The following STRIP1 variants were observed in gnomAD, a reference collection of about 807,000 sequenced individuals.
STRIP1 encodes striatin interacting protein 1.
A neutral mutation model predicts 106.2 loss-of-function variants in STRIP1; 63 were observed. The ratio of observed to expected loss-of-function variants is 0.59; its 90% CI spans 0.48 to 0.73. The LOEUF (loss-of-function observed/expected upper bound fraction) is 0.73, where lower values mean the gene tolerates loss of function less well. Among genes scored for constraint, STRIP1 ranks in the 30% least tolerant of loss-of-function variants. The pLI, the probability that STRIP1 is intolerant of heterozygous loss-of-function variation, is 0.00. For synonymous variants in STRIP1, 390 were observed against 413.0 expected (o/e 0.94, Z 0.67); for missense variants, 857 against 1,074.8 (o/e 0.80, Z 2.83).
chr1:110,053,613 G>T (rs1653399237), intron 20 of STRIP1, 52 bp from the exon 21 acceptor site: 11 of 1,598,844 alleles, frequency 6.9e-6, no homozygotes, highest in Non-Finnish European at 9.4e-6. Flanking sequence ...AATCCATGGG[G>T]AGCTGCTACA....
At chr1:110,051,158 C>A in intron 19 of STRIP1, 98 bp downstream of exon 19, 1 of 802,620 alleles carries the variant, frequency 1.2e-6, no homozygotes. Flanking sequence ...TGTGCCTTCT[C>A]ACTTAACTTT....
intron 9 of STRIP1, 121 bp downstream of exon 9, chr1:110,043,391 G>A: frequency 1.8e-6 from 2 of 1,086,970 alleles, no homozygotes; most frequent in Non-Finnish European, 2.7e-6. Context: ...TCAGAATCAT[G>A]CCTCCACAGC....
In STRIP1 at chr1:110,039,426, G is replaced by T; in HGVS notation, c.492G>T (p.Glu164Asp). ...GTFGECSSEA[E>D]VQSWMRYNIF... The stretch of plus-strand genomic sequence containing the variant: ...TTGGGGAGTGCAGCTCGGAGGCAGA[G>T]GTGCAGTCCTGGATGCGCTACAACA... The change falls in exon 5 of 21, where the codon GAG becomes GAT. Residue 164 changes from glutamate to aspartate, a missense_variant. Around this residue, in one of 2 missense-constraint regions of STRIP1, gnomAD observed 750 missense variants for 989.8 expected, o/e 0.76. Coordinates refer to ENST00000369795, the MANE Select transcript of STRIP1 (RefSeq NM_033088.4). 6.2e-7 allele frequency: 1 copy of T among 1,614,060 alleles called. No homozygotes were observed. The highest frequency in any genetic ancestry group is 1.1e-5 in the South Asian group (1 of 91,034).
chr1:110,050,279 G>C, intron 17 of STRIP1, 64 bp from the exon 18 acceptor site: 1 of 1,544,174 alleles, frequency 6.5e-7, no homozygotes, highest in Middle Eastern at 1.7e-4. Flanking sequence ...GCTCAGGCAC[G>C]GCTGCTCCAC....
chr1:110,049,627 C>G (rs1023677295), intron 17 of STRIP1, 67 bp downstream of exon 17: 1 of 1,140,178 alleles, frequency 8.8e-7, no homozygotes, highest in Non-Finnish European at 1.3e-6. Flanking sequence ...GCTGGTATTT[C>G]CCACTGTGTC....
chr1:110,045,329 C>T lies in STRIP1; in HGVS notation c.1416+251C>T, dbSNP rs1652970601. 3 of 467,644 alleles carry T rather than the reference C, an allele frequency of 6.4e-6. No individual in the cohort carries two copies. In the South Asian group the frequency reaches 6.6e-5, roughly 10 times the overall value. 29.0% of individuals were successfully genotyped at this position (467,644 alleles called of 1,614,324 possible). ...AGTCTTTAAAGATTATATTACCTGA[C>T]CACCGGGCACCAAGGCATGCACCTG... On this transcript the variant is annotated intron_variant, in intron 12 of 20. Transcript: ENST00000369795.
At chr1:110,045,136 C>A in intron 12 of STRIP1, 58 bp downstream of exon 12, 1 of 1,513,146 alleles carries the variant, frequency 6.6e-7, no homozygotes, top group South Asian at 1.1e-5. Flanking sequence ...AGAGTGAAAC[C>A]AGCCTGTAGG....
chr1:110,043,921 C>A, intron 10 of STRIP1, 65 bp downstream of exon 10: 1 of 1,432,764 alleles, frequency 7.0e-7, no homozygotes, highest in Non-Finnish European at 9.8e-7. Flanking sequence ...CTCAGGCCTG[C>A]CACCTGGCCT....
intron 12 of STRIP1, 164 bp downstream of exon 12, chr1:110,045,242 T>G: frequency 3.2e-6 from 2 of 620,940 alleles, no homozygotes; most frequent in South Asian, 4.0e-5. Flanking sequence ...TTCGTAAGTT[T>G]TGCTTGTTTT....
In STRIP1 at chr1:110,049,281, C is replaced by T. The variant is rs546370530; in HGVS notation, c.1788+43C>T. 17 of 1,613,046 alleles carry T rather than the reference C, an allele frequency of 1.1e-5. No individual in the cohort carries two copies. In the East Asian group the frequency reaches 2.0e-4, roughly 19 times the overall value. On this transcript the variant is annotated intron_variant, in intron 16 of 20. Coordinates refer to ENST00000369795, the MANE Select transcript of STRIP1 (RefSeq NM_033088.4). Reference sequence around the variant, plus strand: ...CCTCCTGTCCTGTGGGCTGGGGCCTCGGGCACTGCTGCTCCTCCAGCCCAC... The same window carrying T: ...CCTCCTGTCCTGTGGGCTGGGGCCTTGGGCACTGCTGCTCCTCCAGCCCAC...
chr1:110,043,882 C>CA, intron 10 of STRIP1, 26 bp downstream of exon 10: 1 of 1,602,440 alleles, frequency 6.2e-7, no homozygotes, highest in Non-Finnish European at 8.5e-7. Flanking sequence ...CCAGAGCACT[C>CA]ATAGTTCCTG....
chr1:110,040,658 C>T lies in STRIP1; in HGVS notation c.605C>T (p.Ala202Val). ...AGCAACAGTGCCGCCTGCAGCAGTG[C>T]TGTGAGGAAGCCTGCCATCTCCCTG... Reference protein sequence around the residue: ...EIDNSAACSSAVRKPAISLAD... With the variant: ...EIDNSAACSSVVRKPAISLAD... Residue 202 changes from alanine (A) to valine (V), a missense_variant, in exon 6 of 21, where the codon GCT (alanine) becomes GTT (valine). This residue lies in a region of STRIP1 where 750 missense variants were observed against 989.8 expected (regional missense o/e 0.76). Coordinates refer to ENST00000369795, the MANE Select transcript of STRIP1 (RefSeq NM_033088.4). The T allele has an allele frequency of 6.2e-7, 1 of 1,612,420 alleles. No individual in the cohort carries two copies. The highest frequency in any genetic ancestry group is 8.5e-7 in the Non-Finnish European group (1 of 1,179,238).
rs867307815 is a variant in STRIP1 at position 110,049,197 on chromosome 1, C to T, written c.1747C>T (p.Leu583=). The T allele has an allele frequency of 6.2e-7, 1 of 1,614,214 alleles. No homozygotes were observed. The highest frequency in any genetic ancestry group is 1.7e-5 in the Admixed American group (1 of 60,028). The change falls in exon 16 of 21, where the codon CTG becomes TTG. Residue 583 remains leucine (L), a synonymous_variant. Transcript: ENST00000369795. ...TGTTAAGGCCATTTCTGCTGTCCTG[C>T]TGCTGCTGCTCAAGCACTTTAAGTT... ...VIVKAISAVL[L]LLLKHFKLNH...
chr1:110,051,998 A>T, intron 20 of STRIP1, 111 bp downstream of exon 20: 1 of 1,120,978 alleles, frequency 8.9e-7, no homozygotes. Context: ...CTTCCCCCCA[A>T]GGAACAGGAA....
Position 110,048,013 on chromosome 1 carries a change from G to A in STRIP1, c.1661+144G>A, listed in dbSNP as rs977723893. ...TTTTGACCCAAAAAAAGGAAACTAC[G>A]AGATTAAAGAGTTTCACTGGTTGGG... On this transcript the variant is annotated intron_variant, in intron 15 of 20. Coordinates refer to ENST00000369795, the MANE Select transcript of STRIP1 (RefSeq NM_033088.4). The A allele has an allele frequency of 2.8e-5, 19 of 679,216 alleles. 1 individual carries two copies. Among genetic ancestry groups the A allele is most frequent in the Middle Eastern group, 7.8e-4 (2 of 2,560 alleles). 42.1% of individuals were successfully genotyped at this position (679,216 alleles called of 1,614,324 possible). A position where few individuals can be genotyped will look rare whatever the true frequency, so the allele number is the denominator to read the frequency against.
Position 110,043,660 on chromosome 1 carries a change from C to T in STRIP1, c.1090C>T (p.Leu364=). 1 of 1,613,988 alleles carries T rather than the reference C, an allele frequency of 6.2e-7. No homozygotes were observed. The highest frequency in any genetic ancestry group is 8.5e-7 in the Non-Finnish European group (1 of 1,179,958). ...TCAGGCTCTGATAAAGCAGGACAAC[C>T]TAGATGCCTTCAACGAGCGGGATCC... ...EHKALIKQDN[L]DAFNERDPYK... Residue 364 remains leucine (L), a synonymous_variant, in exon 10 of 21, where the codon CTA becomes TTA. Coordinates refer to ENST00000369795, the MANE Select transcript of STRIP1 (RefSeq NM_033088.4).
chr1:110,046,733 C>T lies in STRIP1; in HGVS notation c.1470C>T (p.Leu490=). Residue 490 remains leucine, a synonymous_variant, in exon 13 of 21, where the codon CTC becomes CTT. Transcript: ENST00000369795. ...AGGCACAGATGGAGGAGGAATACCT[C>T]CGCTCCCCTCTCTCAGGGGTAAGTT... ...EVQAQMEEEY[L]RSPLSGGEEE... is the part of the protein sequence containing the mutation. 6.2e-7 allele frequency: 1 copy of T among 1,613,112 alleles called. No homozygotes were observed. The highest frequency in any genetic ancestry group is 2.2e-5 in the East Asian group (1 of 44,788).
chr1:110,042,225 T>G (rs1652799100), intron 8 of STRIP1, among the ~76,000 whole-genome samples: 1 of 152,176 alleles, frequency 6.6e-6, no homozygotes, highest in African/African-American at 2.4e-5. Context: ...TGGTTGGATA[T>G]CACTTAAAGG....
chr1:110,046,226 A>G (rs1333256275), intron 12 of STRIP1, among the ~76,000 whole-genome samples: 1 of 152,176 alleles, frequency 6.6e-6, no homozygotes, highest in African/African-American at 2.4e-5. Flanking sequence ...GGGGCCAGGC[A>G]TGGTGGCTCA....
Sources: allele counts gnomAD v4.1 joint callset (sites outside exome capture counted in the v4.1 genomes callset), GRCh38; gene constraint gnomAD v4.1.1; regional missense constraint gnomAD v4.1.1; transcripts MANE v1.5; gene names NCBI Gene and HGNC (gene_info 2026-07-23, HGNC 2026-07-21).